AKT1: variants seen among roughly 807,000 people sequenced by gnomAD.
The protein encoded by AKT1 is RAC-alpha serine/threonine-protein kinase.
Under a neutral mutation model 63.1 loss-of-function variants are expected in AKT1, and 21 were observed. The ratio of observed to expected loss-of-function variants is 0.33; its 90% confidence interval spans 0.24 to 0.48. The LOEUF (loss-of-function observed/expected upper bound fraction) is 0.48. Ranked by LOEUF, AKT1 falls within the 20% of genes least tolerant of loss-of-function variation. AKT1 has a pLI of 0.99. For synonymous variants in AKT1, 257 were observed against 253.1 expected (o/e 1.02, Z -0.15); for missense variants, 382 against 666.0 (o/e 0.57, Z 4.69).
intron 5 of AKT1, 184 bp from the exon 6 acceptor site, chr14:104,775,983 G>T (rs1892680704): frequency 6.2e-6 from 4 of 649,168 alleles, no homozygotes; most frequent in Non-Finnish European, 1.0e-5. Context: ...AAGCCCTCTT[G>T]GACGTGGGGG....
intron 8 of AKT1, chr14:104,774,186 CACACCAT>C: frequency 1.8e-6 from 1 of 545,686 alleles, no homozygotes. Context: ...CACACTGCCC[CACACCAT>C]ACACCCCCAC....
At chr14:104,774,060 T>G in intron 8 of AKT1, 80 bp from the exon 9 acceptor site, 1 of 1,371,492 alleles carries the variant, frequency 7.3e-7, no homozygotes, top group Non-Finnish European at 1.0e-6. Flanking sequence ...ACCACGCTGC[T>G]TGATACCACG....
Position 104,785,174 on chromosome 14 carries a change from C to T in AKT1, c.47-4958G>A, listed in dbSNP as rs189229728. ...CTCCAGCACATTGAGCAGACGGCTC[C>T]GCTGACGGCAGCCCATGAGGGGCCC... On this transcript the variant is annotated intron_variant, in intron 3 of 14. Coordinates refer to ENST00000649815, the MANE Select transcript of AKT1 (RefSeq NM_001382430.1). Among the ~76,000 whole-genome samples, 186 of 152,278 alleles carry T rather than the reference C, an allele frequency of 1.2e-3. 4 individuals are homozygous for T. The highest frequency in any genetic ancestry group is 8.4e-3 in the Admixed American group (129 of 15,312).
At chr14:104,780,885 C>G (rs150576226) in intron 3 of AKT1, among the ~76,000 whole-genome samples, 1 of 152,210 alleles carries the variant, frequency 6.6e-6, no homozygotes, top group Admixed American at 6.5e-5. Flanking sequence ...GCCGATGAAG[C>G]CAGACACGGA....
chr14:104,780,304 C>T (rs1892960126), intron 3 of AKT1, 88 bp from the exon 4 acceptor site: 1 of 1,537,314 alleles, frequency 6.5e-7, no homozygotes, highest in Non-Finnish European at 8.8e-7. Flanking sequence ...TGTGCCAGGA[C>T]AGATGTGCCT....
rs951205715 is a variant in AKT1 at position 104,774,831 on chromosome 14, T to C, written c.633+107A>G. The C allele has an allele frequency of 8.8e-6, 11 of 1,255,832 alleles. No individual in the cohort carries two copies. In the African/African-American group the frequency reaches 1.4e-4, roughly 15 times the overall value. 77.8% of individuals were successfully genotyped at this position (1,255,832 alleles called of 1,614,324 possible). A position where few individuals can be genotyped will look rare whatever the true frequency, so the allele number is the denominator to read the frequency against. ...CTCACCAGCGGCGGAGTCCACGGTGTGTAAAGCCCTCACGTGCCCAAGAAG... is the reference window on the plus strand; with the variant it reads ...CTCACCAGCGGCGGAGTCCACGGTGCGTAAAGCCCTCACGTGCCCAAGAAG... On this transcript the variant is annotated intron_variant, in intron 8 of 14. Transcript: ENST00000649815.
intron 4 of AKT1, among the ~76,000 whole-genome samples, chr14:104,779,859 C>T (rs1468678819): frequency 1.3e-5 from 2 of 151,098 alleles, no homozygotes; most frequent in African/African-American, 2.4e-5. Flanking sequence ...CCTTAGGACT[C>T]AGCCTGGAGA....
At chr14:104,770,676 T>C in intron 14 of AKT1, 69 bp downstream of exon 14, 3 of 1,421,958 alleles carry the variant, frequency 2.1e-6, no homozygotes, top group Non-Finnish European at 2.0e-6. Context: ...CCAAAAAAGC[T>C]GAACACTGCA....
At chr14:104,771,107 G>A in intron 13 of AKT1, 2 of 509,556 alleles carry the variant, frequency 3.9e-6, no homozygotes, top group East Asian at 3.2e-5. Flanking sequence ...GGCGACAGGA[G>A]GTAGTGCAGC....
chr14:104,782,568 G>A lies in AKT1; in HGVS notation c.47-2352C>T, dbSNP rs75841975. ...GGGGCGGCGCTTACCAGGCGTGGGG[G>A]GTGGGAGAGGACAGGTGCCCAGCCC... is the stretch of plus-strand genomic sequence containing the variant. On this transcript the variant is annotated intron_variant, in intron 3 of 14. Coordinates refer to ENST00000649815, the MANE Select transcript of AKT1 (RefSeq NM_001382430.1). Among the ~76,000 whole-genome samples, 958 of 152,288 alleles carry A rather than the reference G, an allele frequency of 6.3e-3. 4 individuals carry two copies. Among genetic ancestry groups the A allele is most frequent in the Middle Eastern group, 0.037 (11 of 294 alleles).
At chr14:104,770,565 G>A (rs1257373053) in intron 14 of AKT1, 145 bp from the exon 15 acceptor site, 1 of 965,506 alleles carries the variant, frequency 1.0e-6, no homozygotes, top group Admixed American at 2.5e-5. Context: ...CCCACAGATT[G>A]ACACAGGGAC....
Position 104,773,039 on chromosome 14 carries a change from C to T in AKT1, c.1011G>A (p.Val337=), listed in dbSNP as rs1043166019. ...GRAVDWWGLG[V]VMYEMMCGRL... ...GACCGCACATCATCTCGTACATGAC[C>T]ACGCCCAGCCCCCACCAGTCCACTG... is the stretch of plus-strand genomic sequence containing the variant. Residue 337 remains valine, a synonymous_variant, in exon 12 of 15, where the codon GTG becomes GTA. Transcript: ENST00000649815. 6.2e-7 allele frequency: 1 copy of T among 1,614,022 alleles called. No individual in the cohort carries two copies. Among genetic ancestry groups the T allele is most frequent in the African/African-American group, 1.3e-5 (1 of 74,916 alleles).
chr14:104,769,539 A>AGC lies in AKT1; in HGVS notation c.*800_*801dup. On this transcript the variant is annotated 3_prime_UTR_variant, in exon 15 of 15. Transcript: ENST00000649815. ...GGAGTCAGGGAGGGCCTGGGGCGAC[A>AGC]GCGGAAAGGTTAAGCGTCGAAAAGG... 1 of 533,390 alleles carries AGC rather than the reference A, an allele frequency of 1.9e-6. No homozygotes were observed. The highest frequency in any genetic ancestry group is 3.6e-6 in the Non-Finnish European group (1 of 275,478). 33.0% of individuals were successfully genotyped at this position (533,390 alleles called of 1,614,324 possible).
Position 104,775,218 on chromosome 14 carries a change from G to T in AKT1, c.436-11C>A. On this transcript the variant is annotated splice_polypyrimidine_tract_variant and intron_variant, in intron 6 of 14. Coordinates refer to ENST00000649815, the MANE Select transcript of AKT1 (RefSeq NM_001382430.1). ...AAACTCGTTCATGGTCTATGGGCAGGCACCAGGGTCAGCAAGCGGCGCTGC... is the reference window on the plus strand; with the variant it reads ...AAACTCGTTCATGGTCTATGGGCAGTCACCAGGGTCAGCAAGCGGCGCTGC... 1 of 1,613,392 alleles carries T rather than the reference G, an allele frequency of 6.2e-7. No individual in the cohort carries two copies.
rs1376633092 is a variant in AKT1 at position 104,772,569 on chromosome 14, G to A, written c.1173-117C>T. ...AGACAGGACGTTCCGGGGCCAGGGA[G>A]GGGAGCCGGTGGTGCAGCGTCCCTG... On this transcript the variant is annotated intron_variant, in intron 12 of 14. Coordinates refer to ENST00000649815, the MANE Select transcript of AKT1 (RefSeq NM_001382430.1). The A allele has an allele frequency of 1.2e-5, 13 of 1,040,902 alleles. No individual in the cohort carries two copies. In the Admixed American group the frequency reaches 2.7e-4, roughly 22 times the overall value. The allele number at this position is 1,040,902 out of a possible 1,614,324, so 64.5% of individuals were successfully genotyped here.
chr14:104,775,280 A>G, intron 6 of AKT1, 73 bp from the exon 7 acceptor site: 3 of 1,598,522 alleles, frequency 1.9e-6, no homozygotes, highest in Non-Finnish European at 2.5e-6. Context: ...GTGGGGTGGC[A>G]TGAGGGGCCC....
chr14:104,792,529 C>T (rs1163740174), intron 3 of AKT1, 69 bp downstream of exon 3: 3 of 1,582,708 alleles, frequency 1.9e-6, no homozygotes, highest in African/African-American at 1.3e-5. Flanking sequence ...GGCACAGGCA[C>T]TCACAGACCC....
chr14:104,779,216 C>T (rs116498051), intron 4 of AKT1, among the ~76,000 whole-genome samples: 2,334 of 152,296 alleles, frequency 0.015, 57 homozygotes, highest in African/African-American at 0.054. Flanking sequence ...GAGCAGGGAG[C>T]GTCACATGTC....
In AKT1 at chr14:104,770,071, A is replaced by T. The variant is rs1012484456; in HGVS notation, c.*270T>A. On this transcript the variant is annotated 3_prime_UTR_variant, in exon 15 of 15. Coordinates refer to ENST00000649815, the MANE Select transcript of AKT1 (RefSeq NM_001382430.1). ...CTGCAGAAGTCCTTAACATTTCCCT[A>T]CGTGAATCGGATTGTTCTGAGGGCT... 25 of 545,796 alleles carry T rather than the reference A, an allele frequency of 4.6e-5. No individual in the cohort carries two copies. The highest frequency in any genetic ancestry group is 6.9e-5 in the Non-Finnish European group (21 of 302,548). 33.8% of individuals were successfully genotyped at this position (545,796 alleles called of 1,614,324 possible).
Sources: gnomAD v4.1 joint callset for allele counts (sites outside exome capture counted in the v4.1 genomes callset) on GRCh38, gnomAD v4.1.1 for gene constraint, MANE v1.5 for transcripts, NCBI Gene and HGNC (gene_info 2026-07-23, HGNC 2026-07-21) for gene names.